The following NALF1 variants were observed in gnomAD, a reference collection of about 807,000 sequenced individuals.
The protein encoded by NALF1 is NALCN channel auxiliary factor 1, also known as family with sequence similarity 155 member A.
In NALF1, 3 loss-of-function variants were observed where a neutral mutation model predicts 48.4. The ratio of observed to expected loss-of-function variants is 0.06; its 90% confidence interval spans 0.03 to 0.16. The LOEUF (loss-of-function observed/expected upper bound fraction) is 0.16. Ranked by LOEUF, NALF1 falls within the 10% of genes least tolerant of loss-of-function variation. The probability of loss-of-function intolerance (pLI) is 1.00; values close to 1 mark genes in which losing one functional copy is unlikely to be tolerated. For missense variants in NALF1, 526 were observed against 571.5 expected (o/e 0.92, Z 0.81); for synonymous variants, 262 against 245.7 (o/e 1.07, Z -0.62).
intron 1 of NALF1, among the ~76,000 whole-genome samples, chr13:107,328,818 C>T (rs1339681316): frequency 4.6e-5 from 7 of 152,162 alleles, no homozygotes; most frequent in Admixed American, 4.6e-4. Context: ...AGAGTGGTGG[C>T]CAACGCTATC....
chr13:107,246,533 G>A (rs1454542668), intron 1 of NALF1, among the ~76,000 whole-genome samples: 1 of 152,160 alleles, frequency 6.6e-6, no homozygotes, highest in Non-Finnish European at 1.5e-5. Flanking sequence ...TTTCAGAGCA[G>A]GGTGAGAGGC....
At chr13:107,831,315 A>T (rs1207067896) in intron 1 of NALF1, among the ~76,000 whole-genome samples, 2 of 152,194 alleles carry the variant, frequency 1.3e-5, no homozygotes, top group Non-Finnish European at 2.9e-5. Flanking sequence ...TGAGAAACTA[A>T]AGAAATCAAT....
chr13:107,426,020 A>G (rs992177281), intron 1 of NALF1, among the ~76,000 whole-genome samples: 1 of 152,164 alleles, frequency 6.6e-6, no homozygotes, highest in South Asian at 2.1e-4. Context: ...CTGTGAAACT[A>G]TGTTAGACAT....
At chr13:107,780,599 A>G (rs2138577678) in intron 1 of NALF1, among the ~76,000 whole-genome samples, 1 of 151,824 alleles carries the variant, frequency 6.6e-6, no homozygotes, top group East Asian at 2.0e-4. Context: ...CCCGGGTTCA[A>G]GCAATTCTCC....
At chr13:107,648,311 T>C (rs1594182945) in intron 1 of NALF1, among the ~76,000 whole-genome samples, 1 of 152,150 alleles carries the variant, frequency 6.6e-6, no homozygotes, top group East Asian at 1.9e-4. Context: ...TTCACTGTCA[T>C]AAACATCCTT....
intron 1 of NALF1, among the ~76,000 whole-genome samples, chr13:107,642,955 T>C (rs1485312282): frequency 1.3e-5 from 2 of 152,196 alleles, no homozygotes; most frequent in Admixed American, 1.3e-4. Context: ...CTTGCCCTAA[T>C]TTCCACATGG....
At chr13:107,200,846 A>G (rs1178815824) in intron 2 of NALF1, among the ~76,000 whole-genome samples, 1 of 152,182 alleles carries the variant, frequency 6.6e-6, no homozygotes, top group Non-Finnish European at 1.5e-5. Flanking sequence ...AAAGTATGTA[A>G]TATCAACTGC....
intron 1 of NALF1, among the ~76,000 whole-genome samples, chr13:107,582,782 A>G (rs1475656375): frequency 2.6e-5 from 4 of 152,200 alleles, no homozygotes; most frequent in African/African-American, 9.6e-5. Flanking sequence ...TACGTTCATT[A>G]TGACTCCCTT....
chr13:107,806,068 T>C (rs977351124), intron 1 of NALF1, among the ~76,000 whole-genome samples: 6 of 152,162 alleles, frequency 3.9e-5, no homozygotes, highest in Non-Finnish European at 8.8e-5. Context: ...TGTAACAGTT[T>C]CAGATTGCAA....
chr13:107,521,830 T>C (rs1594107920), intron 1 of NALF1, among the ~76,000 whole-genome samples: 1 of 152,148 alleles, frequency 6.6e-6, no homozygotes. Flanking sequence ...TTCTGTACTC[T>C]CCTGAAATTG....
chr13:107,237,877 TCTCA>T (rs1402220105), intron 1 of NALF1, among the ~76,000 whole-genome samples: 2 of 152,308 alleles, frequency 1.3e-5, no homozygotes, highest in African/African-American at 4.8e-5. Flanking sequence ...CATCAATCTC[TCTCA>T]CTCAGGAGAG....
chr13:107,354,954 C>T (rs1882937047), intron 1 of NALF1, among the ~76,000 whole-genome samples: 1 of 152,180 alleles, frequency 6.6e-6, no homozygotes, highest in Non-Finnish European at 1.5e-5. Context: ...CTGAGATCCC[C>T]AACCCTAGGA....
At chr13:107,343,215 A>G (rs1425069066) in intron 1 of NALF1, among the ~76,000 whole-genome samples, 1 of 152,228 alleles carries the variant, frequency 6.6e-6, no homozygotes, top group East Asian at 1.9e-4. Context: ...AGAAATCAAT[A>G]GCAGTGGAAA....
In NALF1 at chr13:107,867,276, C is replaced by T. The variant is rs1334558794; in HGVS notation, c.-680G>A. Among the ~76,000 whole-genome samples the T allele has an allele frequency of 2.4e-3, 252 of 106,078 alleles. No individual in the cohort carries two copies. The highest frequency in any genetic ancestry group is 4.1e-3 in the Non-Finnish European group (198 of 48,200). 69.6% of individuals were successfully genotyped at this position (106,078 alleles called of 152,430 possible). On this transcript the variant is annotated 5_prime_UTR_variant, in exon 1 of 3. Coordinates refer to ENST00000375915, the MANE Select transcript of NALF1 (RefSeq NM_001080396.3). This position sits in a 1 kb window ranked among gnomAD's most constrained non-coding sequence, Gnocchi z 4.4. Reference sequence around the variant, plus strand: ...GCCTCCGGCGGGGCGCTCCCTCCCCCCCACCCCCCACCCCGCGCTCTAAGT... The same window carrying T: ...GCCTCCGGCGGGGCGCTCCCTCCCCTCCACCCCCCACCCCGCGCTCTAAGT...
chr13:107,326,694 A>G (rs1882371746), intron 1 of NALF1, among the ~76,000 whole-genome samples: 1 of 152,222 alleles, frequency 6.6e-6, no homozygotes, highest in South Asian at 2.1e-4. Flanking sequence ...AGAATACTTT[A>G]AGTGGGCTTT....
At chr13:107,765,726 C>G (rs916059508) in intron 1 of NALF1, among the ~76,000 whole-genome samples, 5 of 152,012 alleles carry the variant, frequency 3.3e-5, no homozygotes, top group South Asian at 2.1e-4. Context: ...TTTATGAAAC[C>G]TGGTCTCACT....
chr13:107,568,592 A>C (rs1460045444), intron 1 of NALF1, among the ~76,000 whole-genome samples: 1 of 152,162 alleles, frequency 6.6e-6, no homozygotes, highest in African/African-American at 2.4e-5. Flanking sequence ...TCCATTTTTT[A>C]TATCTTTACC....
intron 1 of NALF1, among the ~76,000 whole-genome samples, chr13:107,307,008 C>T (rs1040533832): frequency 1.3e-5 from 2 of 152,098 alleles, no homozygotes; most frequent in East Asian, 1.9e-4. Context: ...CACGTTTTTG[C>T]CATGGGAAGT....
At chr13:107,312,612 G>C (rs939574093) in intron 1 of NALF1, among the ~76,000 whole-genome samples, 1 of 152,028 alleles carries the variant, frequency 6.6e-6, no homozygotes, top group African/African-American at 2.4e-5. Flanking sequence ...CTCCAAAACT[G>C]TTTTCTGCAC....
Sources: gnomAD v4.1 joint callset for allele counts (sites outside exome capture counted in the v4.1 genomes callset) on GRCh38, gnomAD v4.1.1 for gene constraint, Gnocchi (gnomAD v3.1) non-coding constraint, MANE v1.5 for transcripts, NCBI Gene and HGNC (gene_info 2026-07-23, HGNC 2026-07-21) for gene names.